The following INSC variants were observed in gnomAD, a reference collection of about 807,000 sequenced individuals.
INSC encodes the protein protein inscuteable homolog.
INSC carries 67 observed loss-of-function variants against 58.6 expected under a neutral mutation model. The ratio of observed to expected loss-of-function variants is 1.14; its 90% CI spans 0.94 to 1.40. INSC has a LOEUF of 1.40. INSC is among the 40% of genes most tolerant of loss of function. INSC has a pLI of 0.00. For synonymous variants in INSC, 262 were observed against 276.1 expected, an observed-to-expected ratio of 0.95 and a Z score of 0.51; for missense variants, 714 against 692.0, an observed-to-expected ratio of 1.03 and a Z score of -0.36.
chr11:15,203,427 C>T (rs1366140629), intron 7 of INSC, among the ~76,000 whole-genome samples: 1 of 151,840 alleles, frequency 6.6e-6, no homozygotes, highest in Non-Finnish European at 1.5e-5. Context: ...TAAGACTTAC[C>T]CTGGTAAGAG....
chr11:15,178,128 T>C (rs1564886817), intron 4 of INSC, among the ~76,000 whole-genome samples, 196 bp from the exon 5 acceptor site: 2 of 152,134 alleles, frequency 1.3e-5, no homozygotes, highest in Non-Finnish European at 2.9e-5. Flanking sequence ...GTAGTCCTCA[T>C]CTCAGGCCAG....
intron 2 of INSC, among the ~76,000 whole-genome samples, chr11:15,164,942 G>A (rs540531756): frequency 2.0e-5 from 3 of 152,222 alleles, no homozygotes; most frequent in Admixed American, 1.3e-4. Flanking sequence ...ATGATTGTGA[G>A]GGCTCCCTAT....
Position 15,190,733 on chromosome 11 carries a change from T to C in INSC, c.612T>C (p.Asn204=). The part of the protein sequence containing the change: ...ALVRKIDASD[N]IYTTESTTGN... ...TGAGAAAAATTGATGCCTCAGACAA[T>C]ATCTACACCACAGAGTCCACCACAG... is the stretch of plus-strand genomic sequence containing the variant. Residue 204 remains asparagine (N), a synonymous_variant, in exon 6 of 13, where the codon AAT becomes AAC. Coordinates refer to ENST00000379556, the MANE Select transcript of INSC (RefSeq NM_001042536.3). 6.2e-7 allele frequency: 1 copy of C among 1,612,558 alleles called. No individual in the cohort carries two copies. Among genetic ancestry groups the C allele is most frequent in the Middle Eastern group, 1.7e-4 (1 of 6,052 alleles).
chr11:15,221,825 C>T (rs2133932909), intron 8 of INSC, among the ~76,000 whole-genome samples, 177 bp downstream of exon 8: 1 of 152,220 alleles, frequency 6.6e-6, no homozygotes, highest in South Asian at 2.1e-4. Context: ...CTTTGATGAG[C>T]TCTATTATCA....
At chr11:15,213,348 A>G (rs1377873412) in intron 7 of INSC, among the ~76,000 whole-genome samples, 2 of 152,156 alleles carry the variant, frequency 1.3e-5, no homozygotes, top group Non-Finnish European at 2.9e-5. Context: ...TAAAGTCTGG[A>G]TATCTGTGTC....
the INSC span, among the ~76,000 whole-genome samples, chr11:15,262,929 A>G: frequency 2.0e-5 from 3 of 152,172 alleles, no homozygotes; most frequent in Admixed American, 6.6e-5. Context: ...GACTCATCAG[A>G]TACAGAATAT....
Position 15,245,897 on chromosome 11 carries a change from C to T in INSC, c.1471-15C>T, listed in dbSNP as rs1852543646. The stretch of plus-strand genomic sequence containing the variant: ...CCCAGTCTGACACGTGTCACCTCTT[C>T]TGTCTTCTCCCCAGGCTGCTCTGCG... On this transcript the variant is annotated splice_polypyrimidine_tract_variant and intron_variant, in intron 12 of 12. Coordinates refer to ENST00000379556, the MANE Select transcript of INSC (RefSeq NM_001042536.3). 1 of 1,612,574 alleles carries T rather than the reference C, an allele frequency of 6.2e-7. No homozygotes were observed. The highest frequency in any genetic ancestry group is 1.1e-5 in the South Asian group (1 of 90,986).
At chr11:15,143,522 T>C (rs185726288) in intron 1 of INSC, among the ~76,000 whole-genome samples, 1 of 152,252 alleles carries the variant, frequency 6.6e-6, no homozygotes, top group Admixed American at 6.5e-5. Flanking sequence ...ACAAGATCCA[T>C]GTGAGGCAAG....
intron 1 of INSC, among the ~76,000 whole-genome samples, chr11:15,146,381 G>A (rs1848491791): frequency 1.3e-5 from 2 of 152,120 alleles, no homozygotes; most frequent in Non-Finnish European, 2.9e-5. Flanking sequence ...TCCTTTTGGG[G>A]CAAAGAGGCA....
chr11:15,220,803 A>T (rs1362062931), intron 7 of INSC, among the ~76,000 whole-genome samples: 1 of 152,208 alleles, frequency 6.6e-6, no homozygotes, highest in Non-Finnish European at 1.5e-5. Flanking sequence ...ACATGTTCTT[A>T]TCTGGCACTA....
intron 1 of INSC, among the ~76,000 whole-genome samples, chr11:15,121,371 C>A (rs1847868968): frequency 6.6e-6 from 1 of 152,132 alleles, no homozygotes; most frequent in South Asian, 2.1e-4. Flanking sequence ...TGGAATATCT[C>A]TCAATTTGGT....
Position 15,190,687 on chromosome 11 carries a change from CTCTCTCT to C in INSC, c.580-10_580-4del, listed in dbSNP as rs1850132955. On this transcript the variant is annotated splice_region_variant and splice_polypyrimidine_tract_variant and intron_variant, in intron 5 of 12. Coordinates refer to ENST00000379556, the MANE Select transcript of INSC (RefSeq NM_001042536.3). ...GGTGAGTAACTACTAGCTAACTTTT[CTCTCTCT>C]TCTTAGGCACTGGTGAGAAAAATTG... The C allele has an allele frequency of 1.9e-6, 3 of 1,589,746 alleles. No homozygotes were observed. Among genetic ancestry groups the C allele is most frequent in the Non-Finnish European group, 8.6e-7 (1 of 1,157,808 alleles).
intron 9 of INSC, among the ~76,000 whole-genome samples, chr11:15,227,895 A>T (rs899481563): frequency 2.0e-5 from 3 of 152,180 alleles, no homozygotes; most frequent in Non-Finnish European, 4.4e-5. Context: ...TTCCTACAAG[A>T]TCCAGTAGTG....
intron 7 of INSC, among the ~76,000 whole-genome samples, chr11:15,218,742 C>A (rs1851322395): frequency 6.6e-6 from 1 of 152,142 alleles, no homozygotes; most frequent in Non-Finnish European, 1.5e-5. Context: ...AAATTGGGGT[C>A]TACATCAGGA....
chr11:15,201,466 T>G (rs1381430360), intron 7 of INSC, among the ~76,000 whole-genome samples: 1 of 152,116 alleles, frequency 6.6e-6, no homozygotes, highest in Non-Finnish European at 1.5e-5. Flanking sequence ...TGGGCCAAGA[T>G]GGCGTGGGAG....
intron 2 of INSC, among the ~76,000 whole-genome samples, chr11:15,157,715 C>T (rs1427110722): frequency 1.3e-5 from 2 of 152,198 alleles, no homozygotes; most frequent in Admixed American, 1.3e-4. Flanking sequence ...AGTCCCTAGA[C>T]TCCCAAAATT....
chr11:15,242,063 G>A (rs1463787763), intron 12 of INSC, among the ~76,000 whole-genome samples: 2 of 152,194 alleles, frequency 1.3e-5, no homozygotes, highest in Non-Finnish European at 1.5e-5. Context: ...AAATAAAGAT[G>A]TAACTTTTTC....
intron 2 of INSC, among the ~76,000 whole-genome samples, chr11:15,154,802 C>T (rs193157196): frequency 7.7e-6 from 1 of 130,362 alleles, no homozygotes; most frequent in Admixed American, 7.8e-5. Context: ...TGCTTTTGTC[C>T]CTTTTTTTTT....
intron 5 of INSC, among the ~76,000 whole-genome samples, chr11:15,181,387 G>T (rs1284529562): frequency 6.6e-6 from 1 of 152,116 alleles, no homozygotes; most frequent in African/African-American, 2.4e-5. Context: ...AAGTCGTGTG[G>T]GCTCTTGAGC....
Sources: allele counts gnomAD v4.1 joint callset (sites outside exome capture counted in the v4.1 genomes callset), GRCh38; gene constraint gnomAD v4.1.1; transcripts MANE v1.5; gene names NCBI Gene and HGNC (gene_info 2026-07-23, HGNC 2026-07-21).